Variants in RIMS2 observed in about 807,000 individuals in gnomAD.
RIMS2 encodes regulating synaptic membrane exocytosis 2.
A neutral mutation model predicts 174.4 loss-of-function variants in RIMS2; 59 were observed. The ratio of observed to expected loss-of-function variants is 0.34; its 90% CI spans 0.27 to 0.42. The LOEUF (loss-of-function observed/expected upper bound fraction) is 0.42. Among genes scored for constraint, RIMS2 ranks in the 10% least tolerant of loss-of-function variants. The probability of loss-of-function intolerance (pLI) is 1.00; values close to 1 mark genes in which losing one functional copy is unlikely to be tolerated. For missense variants in RIMS2, 1,620 were observed against 1,666.3 expected (o/e 0.97, Z 0.48); for synonymous variants, 606 against 572.5 (o/e 1.06, Z -0.84).
chr8:103,550,246 A>T (rs1847115089), intron 1 of RIMS2, among the ~76,000 whole-genome samples: 1 of 152,182 alleles, frequency 6.6e-6, no homozygotes, highest in Non-Finnish European at 1.5e-5. Context: ...CAGAAATTAG[A>T]ACAAAGTGTC....
chr8:103,787,576 C>A (rs2098455673), intron 3 of RIMS2, among the ~76,000 whole-genome samples: 3 of 152,082 alleles, frequency 2.0e-5, no homozygotes, highest in Admixed American at 1.3e-4. Context: ...AAATTCTTTT[C>A]TTTAAGAATG....
chr8:103,755,342 C>G (rs1044899591), intron 2 of RIMS2, among the ~76,000 whole-genome samples: 1 of 152,174 alleles, frequency 6.6e-6, no homozygotes, highest in African/African-American at 2.4e-5. Context: ...CCTGCCTTTT[C>G]TCTCTGGCTT....
chr8:104,211,732 T>C (rs2099106328), intron 19 of RIMS2, among the ~76,000 whole-genome samples: 1 of 152,154 alleles, frequency 6.6e-6, no homozygotes, highest in Non-Finnish European at 1.5e-5. Flanking sequence ...CAGTCTGGTC[T>C]CAAACACCTG....
At chr8:103,643,316 T>C (rs1415096812) in intron 1 of RIMS2, among the ~76,000 whole-genome samples, 4 of 152,094 alleles carry the variant, frequency 2.6e-5, no homozygotes, top group African/African-American at 9.6e-5. Context: ...TCTTGCATGT[T>C]GTCTACGTTT....
At chr8:103,950,505 C>T (rs1309396723) in intron 14 of RIMS2, among the ~76,000 whole-genome samples, 1 of 151,926 alleles carries the variant, frequency 6.6e-6, no homozygotes, top group African/African-American at 2.4e-5. Flanking sequence ...TGTGACTCAC[C>T]ATATTAAACT....
chr8:103,792,677 A>G (rs1592523522), intron 3 of RIMS2, among the ~76,000 whole-genome samples: 1 of 150,452 alleles, frequency 6.6e-6, no homozygotes, highest in Admixed American at 6.6e-5. Context: ...AAATTGATAG[A>G]TCGCTAGCAA....
At chr8:104,008,639 A>G (rs1257282810) in intron 17 of RIMS2, among the ~76,000 whole-genome samples, 1 of 151,858 alleles carries the variant, frequency 6.6e-6, no homozygotes, top group Non-Finnish European at 1.5e-5. Flanking sequence ...ACCTTTGTAG[A>G]TGTGAGAATA....
At chr8:103,527,933 A>G (rs751035220) in intron 1 of RIMS2, among the ~76,000 whole-genome samples, 24 of 152,150 alleles carry the variant, frequency 1.6e-4, no homozygotes, top group Admixed American at 5.9e-4. Flanking sequence ...GTCAAATGGT[A>G]TTTCTGGTTC....
intron 1 of RIMS2, among the ~76,000 whole-genome samples, chr8:103,538,785 G>A (rs923554932): frequency 6.6e-6 from 1 of 152,192 alleles, no homozygotes; most frequent in Non-Finnish European, 1.5e-5. Context: ...GGGATTACAG[G>A]CATGAGCCAC....
At chr8:103,924,787 A>G (rs185765184) in intron 10 of RIMS2, among the ~76,000 whole-genome samples, 1 of 151,874 alleles carries the variant, frequency 6.6e-6, no homozygotes, top group African/African-American at 2.4e-5. Flanking sequence ...TTCGTTGTTT[A>G]CATTTTCATG....
chr8:103,550,287 T>G (rs1847136605), intron 1 of RIMS2, among the ~76,000 whole-genome samples: 2 of 152,102 alleles, frequency 1.3e-5, no homozygotes, highest in Admixed American at 1.3e-4. Context: ...AAACTAGAAC[T>G]CAGGATTAAG....
intron 2 of RIMS2, 21 bp downstream of exon 4, chr8:103,697,317 G>A (rs780429084): frequency 2.0e-6 from 3 of 1,533,834 alleles, no homozygotes; most frequent in Non-Finnish European, 2.7e-6. Flanking sequence ...GAAAATTACA[G>A]TTCTCTTCTA....
chr8:103,511,179 G>A (rs189303508), intron 1 of RIMS2, among the ~76,000 whole-genome samples: 30 of 152,200 alleles, frequency 2.0e-4, no homozygotes, highest in African/African-American at 7.0e-4. Context: ...GGAGGGACTG[G>A]GGGCAAGAAG....
chr8:104,057,207 C>T (rs1388009031), intron 19 of RIMS2, among the ~76,000 whole-genome samples: 3 of 151,988 alleles, frequency 2.0e-5, no homozygotes, highest in African/African-American at 7.2e-5. Context: ...TATGGGACCA[C>T]AGGCACATGC....
At chr8:103,581,837 A>G (rs1208549962) in intron 1 of RIMS2, among the ~76,000 whole-genome samples, 1 of 152,218 alleles carries the variant, frequency 6.6e-6, no homozygotes. Flanking sequence ...GGTAAACTTG[A>G]AAGGCAGTGT....
At chr8:103,841,898 T>C (rs540750318) in intron 3 of RIMS2, among the ~76,000 whole-genome samples, 2 of 151,766 alleles carry the variant, frequency 1.3e-5, no homozygotes, top group South Asian at 2.1e-4. Flanking sequence ...GAGGTTGCAG[T>C]GAGCCAAGAT....
chr8:103,910,538 A>G lies in RIMS2; in HGVS notation c.1692+337A>G, dbSNP rs1388650987. The G allele has an allele frequency of 1.9e-6, 3 of 1,547,534 alleles. No homozygotes were observed. Among genetic ancestry groups the G allele is most frequent in the Non-Finnish European group, 2.6e-6 (3 of 1,134,438 alleles). ...ATAGCCATAGTGATAAGGTACTGAG[A>G]TTGTGGAGCCTGCCTTTTAACCTGC... is the stretch of plus-strand genomic sequence containing the variant. On this transcript the variant is annotated intron_variant, in intron 5 of 23. Coordinates refer to ENST00000504942, the Ensembl canonical transcript of RIMS2.
chr8:103,782,749 CTG>C (rs2098403786), intron 3 of RIMS2, among the ~76,000 whole-genome samples: 1 of 152,060 alleles, frequency 6.6e-6, no homozygotes, highest in Admixed American at 6.6e-5. Flanking sequence ...GTGAGTCAAA[CTG>C]AGCATTTCTG....
At chr8:104,197,218 C>G (rs1281535348) in intron 19 of RIMS2, among the ~76,000 whole-genome samples, 1 of 150,792 alleles carries the variant, frequency 6.6e-6, no homozygotes, top group African/African-American at 2.4e-5. Context: ...TCTTGTTGCC[C>G]AGGCTGGAGT....
Sources: allele counts gnomAD v4.1 joint callset (sites outside exome capture counted in the v4.1 genomes callset), GRCh38; gene constraint gnomAD v4.1.1; transcripts MANE v1.5; gene names NCBI Gene and HGNC (gene_info 2026-07-23, HGNC 2026-07-21).